TRIM24: variants seen among roughly 807,000 people sequenced by gnomAD.
TRIM24 encodes the protein transcription intermediary factor 1-alpha.
A neutral mutation model predicts 123.9 loss-of-function variants in TRIM24; 29 were observed. The ratio of observed to expected loss-of-function variants is 0.23; its 90% CI spans 0.17 to 0.32. The LOEUF (loss-of-function observed/expected upper bound fraction) is 0.32, where lower values mean the gene tolerates loss of function less well. Ranked by LOEUF, TRIM24 falls within the 10% of genes least tolerant of loss-of-function variation. The pLI, the probability that TRIM24 is intolerant of heterozygous loss-of-function variation, is 1.00. For missense variants in TRIM24, 932 were observed against 1,295.3 expected, an observed-to-expected ratio of 0.72 and a Z score of 4.31; for synonymous variants, 456 against 461.1, an observed-to-expected ratio of 0.99 and a Z score of 0.14.
intron 1 of TRIM24, among the ~76,000 whole-genome samples, chr7:138,462,062 T>G (rs1392959072): frequency 1.3e-5 from 2 of 152,148 alleles, no homozygotes; most frequent in Non-Finnish European, 2.9e-5. Flanking sequence ...TTGTTTCTAT[T>G]TTTTCACGGA....
chr7:138,468,295 C>T (rs1013554605), intron 1 of TRIM24, among the ~76,000 whole-genome samples: 2 of 152,096 alleles, frequency 1.3e-5, no homozygotes, highest in Non-Finnish European at 2.9e-5. Context: ...GTATGAATTA[C>T]GTTGATTTTT....
intron 6 of TRIM24, among the ~76,000 whole-genome samples, chr7:138,531,666 C>T (rs980919110): frequency 1.8e-4 from 27 of 152,000 alleles, no homozygotes; most frequent in Admixed American, 8.5e-4. Context: ...TGAATAGTGC[C>T]GTAATAAACA....
At chr7:138,524,291 C>A (rs923328583) in intron 4 of TRIM24, among the ~76,000 whole-genome samples, 3 of 152,124 alleles carry the variant, frequency 2.0e-5, no homozygotes, top group African/African-American at 7.2e-5. Context: ...TATTGAAAGT[C>A]TTTGCATTGA....
chr7:138,462,531 G>A (rs998433582), intron 1 of TRIM24, among the ~76,000 whole-genome samples: 2 of 151,424 alleles, frequency 1.3e-5, no homozygotes, highest in East Asian at 2.0e-4. Context: ...TAGTAGAGAC[G>A]GGGTTTCACC....
At chr7:138,571,536 A>G (rs554111215) in intron 11 of TRIM24, among the ~76,000 whole-genome samples, 1 of 152,292 alleles carries the variant, frequency 6.6e-6, no homozygotes, top group African/African-American at 2.4e-5. Context: ...GGAAAGGAGA[A>G]AAGTAAGGAC....
At chr7:138,550,318 G>GGTGTGTGTGTGTGTGTGTGTGT (rs10548154) in intron 7 of TRIM24, among the ~76,000 whole-genome samples, 6 of 147,574 alleles carry the variant, frequency 4.1e-5, no homozygotes, top group African/African-American at 1.2e-4. Flanking sequence ...AGGAGTTGAT[G>GGTGTGTGTGTGTGTGTGTGTGT]GTGTGTGTGT....
intron 1 of TRIM24, among the ~76,000 whole-genome samples, chr7:138,485,906 A>C (rs1421097754): frequency 6.6e-6 from 1 of 152,186 alleles, no homozygotes; most frequent in Non-Finnish European, 1.5e-5. Context: ...ATCCTTGAGG[A>C]ATCGCCACAC....
rs149995542 is a variant in TRIM24 at position 138,579,780 on chromosome 7, G to A, written c.2585+248G>A. 1.4e-4 allele frequency among the ~76,000 whole-genome samples: 22 copies of A among 152,178 alleles called. No individual in the cohort carries two copies. The East Asian group carries it at 3.9e-3, about 27-fold the overall frequency. ...GTCTGTACAAAATAAAAAATTAGCC[G>A]GGTATGGTAGTGCATGCCTGTAGTC... On this transcript the variant is annotated intron_variant, in intron 15 of 18. Coordinates refer to ENST00000343526, the MANE Select transcript of TRIM24 (RefSeq NM_015905.3).
rs1211893513 is a variant in TRIM24 at position 138,587,319 on chromosome 7, C to G, written c.*2368C>G. 6.6e-6 allele frequency: 1 copy of G among 152,248 alleles called. No homozygotes were observed. Among genetic ancestry groups the G allele is most frequent in the Non-Finnish European group, 1.5e-5 (1 of 68,076 alleles). 9.4% of individuals were successfully genotyped at this position (152,248 alleles called of 1,614,324 possible). ...AGTGAGCCAAGATCTCACCATTGCA[C>G]TCCAGCCTGAGTGACAGAGACTCAG... On this transcript the variant is annotated 3_prime_UTR_variant, in exon 19 of 19. Transcript: ENST00000343526.
chr7:138,577,062 C>T (rs1161771665), intron 13 of TRIM24, among the ~76,000 whole-genome samples: 1 of 150,972 alleles, frequency 6.6e-6, no homozygotes, highest in East Asian at 1.9e-4. Flanking sequence ...ATTGTCTTCA[C>T]CAAAGTATTC....
In TRIM24 at chr7:138,527,074, C is replaced by G. The variant is rs6957244; in HGVS notation, c.881+1717C>G. 5.5e-3 allele frequency among the ~76,000 whole-genome samples: 834 copies of G among 152,058 alleles called. 8 individuals carry two copies. The highest frequency in any genetic ancestry group is 0.019 in the African/African-American group (802 of 41,464). On this transcript the variant is annotated intron_variant, in intron 5 of 18. Transcript: ENST00000343526. The stretch of plus-strand genomic sequence containing the variant: ...TTTTATGTACCGCTGTCAATTTTTT[C>G]CACTATCATTTGTTGAAAAAACTTT...
intron 5 of TRIM24, among the ~76,000 whole-genome samples, chr7:138,527,416 A>G (rs986086435): frequency 6.6e-6 from 1 of 152,218 alleles, no homozygotes. Flanking sequence ...AAAAGGGTAC[A>G]TTTATTAGAG....
rs762662367 is a variant in TRIM24, at chr7:138,577,431, C to G, written c.2099C>G (p.Ser700Cys). 1 of 1,572,542 alleles carries G rather than the reference C, an allele frequency of 6.4e-7. No individual in the cohort carries two copies. The highest frequency in any genetic ancestry group is 8.6e-7 in the Non-Finnish European group (1 of 1,162,334). Residue 700 changes from serine to cysteine, a missense_variant, in exon 14 of 19, where the codon TCC (serine) becomes TGC (cysteine). Coordinates refer to ENST00000343526, the MANE Select transcript of TRIM24 (RefSeq NM_015905.3). ...SVGSRGSSGS[S>C]SKPAGADSTH... ...TCTCATACTTACAGCTCTGGCTCTT[C>G]CAGCAAACCAGCAGGAGCTGACTCT...
At chr7:138,507,601 G>T (rs1434846320) in intron 2 of TRIM24, among the ~76,000 whole-genome samples, 1 of 152,018 alleles carries the variant, frequency 6.6e-6, no homozygotes, top group Non-Finnish European at 1.5e-5. Context: ...GGGATTACAG[G>T]CATAAGCCAC....
At chr7:138,578,533 TG>T (rs34161910) in intron 14 of TRIM24, among the ~76,000 whole-genome samples, 1 of 29,084 alleles carries the variant, frequency 3.4e-5, no homozygotes, top group Non-Finnish European at 8.4e-5. Context: ...GTGGTGGTTT[TG>T]TGTGTGTGTG....
At chr7:138,559,570 G>A (rs1034815163) in intron 9 of TRIM24, among the ~76,000 whole-genome samples, 1 of 152,176 alleles carries the variant, frequency 6.6e-6, no homozygotes, top group Non-Finnish European at 1.5e-5. Flanking sequence ...GGTGACTAGA[G>A]CCGGGCTGTT....
chr7:138,579,662 T>TAGTC (rs1797852106), intron 15 of TRIM24, 130 bp downstream of exon 15: 1 of 717,876 alleles, frequency 1.4e-6, no homozygotes, highest in Non-Finnish European at 2.3e-6. Flanking sequence ...TCCCAATGAA[T>TAGTC]AGTCTAGGTT....
At chr7:138,470,454 T>C (rs1204412749) in intron 1 of TRIM24, among the ~76,000 whole-genome samples, 2 of 152,192 alleles carry the variant, frequency 1.3e-5, no homozygotes, top group African/African-American at 4.8e-5. Flanking sequence ...CTTGTAAAAA[T>C]AGGTTTATGG....
chr7:138,528,556 A>C (rs1462238645), intron 5 of TRIM24, among the ~76,000 whole-genome samples: 1 of 151,766 alleles, frequency 6.6e-6, no homozygotes, highest in Non-Finnish European at 1.5e-5. Context: ...CAAGAGAAGT[A>C]TGTGGTTGAT....
Sources: allele counts gnomAD v4.1 joint callset (sites outside exome capture counted in the v4.1 genomes callset), GRCh38; gene constraint gnomAD v4.1.1; transcripts MANE v1.5; gene names NCBI Gene and HGNC (gene_info 2026-07-23, HGNC 2026-07-21).